SNCAIP: variants seen among roughly 807,000 people sequenced by gnomAD.
SNCAIP encodes synuclein alpha interacting protein.
SNCAIP carries 43 observed loss-of-function variants against 86.7 expected under a neutral mutation model. That is an observed-to-expected ratio of 0.50 (90% CI 0.39 to 0.64). SNCAIP has a LOEUF of 0.64. Ranked by LOEUF, SNCAIP falls within the 30% of genes least tolerant of loss-of-function variation. The pLI, the probability that SNCAIP is intolerant of heterozygous loss-of-function variation, is 0.00. For missense variants in SNCAIP, 981 were observed against 1,103.1 expected (o/e 0.89, Z 1.57); for synonymous variants, 417 against 427.2 (o/e 0.98, Z 0.29).
intron 1 of SNCAIP, among the ~76,000 whole-genome samples, chr5:122,369,042 C>A (rs558207809): frequency 1.3e-5 from 2 of 152,254 alleles, no homozygotes; most frequent in African/African-American, 4.8e-5. Context: ...TTGGTCAGAC[C>A]AGCTCTGATC....
At chr5:122,448,121 A>G (rs1561794992) in intron 8 of SNCAIP, among the ~76,000 whole-genome samples, 1 of 152,232 alleles carries the variant, frequency 6.6e-6, no homozygotes, top group Non-Finnish European at 1.5e-5. Flanking sequence ...GTTGCTGAGT[A>G]TATGCAGTGA....
intron 10 of SNCAIP, among the ~76,000 whole-genome samples, chr5:122,453,782 C>T: frequency 7.4e-6 from 1 of 135,548 alleles, no homozygotes; most frequent in East Asian, 2.1e-4. Context: ...TTTTTGAAGA[C>T]AGAGTCTCAC....
At chr5:122,410,516 T>C (rs964809517) in intron 3 of SNCAIP, among the ~76,000 whole-genome samples, 4 of 152,192 alleles carry the variant, frequency 2.6e-5, no homozygotes, top group Admixed American at 6.5e-5. Context: ...AATAAAATTC[T>C]GGTGGTATTG....
At chr5:122,455,950 A>C (rs2153020234) in intron 10 of SNCAIP, among the ~76,000 whole-genome samples, 1 of 152,354 alleles carries the variant, frequency 6.6e-6, no homozygotes, top group African/African-American at 2.4e-5. Context: ...GTTGTTTTTA[A>C]GTTATTGTAA....
At chr5:122,380,541 T>TC (rs1157235146) in intron 1 of SNCAIP, among the ~76,000 whole-genome samples, 2 of 150,278 alleles carry the variant, frequency 1.3e-5, no homozygotes, top group African/African-American at 4.9e-5. Flanking sequence ...TCTATTTCCT[T>TC]CAGTTCTGCT....
At chr5:122,402,018 A>G (rs1771926642) in intron 2 of SNCAIP, among the ~76,000 whole-genome samples, 1 of 151,954 alleles carries the variant, frequency 6.6e-6, no homozygotes, top group Admixed American at 6.6e-5. Context: ...ACCTTAGTGA[A>G]TTTTTCATTA....
At chr5:122,394,737 G>C (rs1770216144) in intron 2 of SNCAIP, among the ~76,000 whole-genome samples, 1 of 152,190 alleles carries the variant, frequency 6.6e-6, no homozygotes, top group Non-Finnish European at 1.5e-5. Context: ...TTCACACACA[G>C]GACTAAAGAA....
chr5:122,386,999 G>A (rs888615035), intron 1 of SNCAIP, among the ~76,000 whole-genome samples: 7 of 152,078 alleles, frequency 4.6e-5, no homozygotes, highest in East Asian at 1.9e-4. Flanking sequence ...GAAAGCCCTC[G>A]GAAGGCCTTA....
chr5:122,350,509 TTTTTG>T (rs1433625926), intron 1 of SNCAIP, among the ~76,000 whole-genome samples: 1 of 151,534 alleles, frequency 6.6e-6, no homozygotes, highest in Non-Finnish European at 1.5e-5. Context: ...GAGTAAGGAT[TTTTTG>T]TTTGTTTTTT....
intron 6 of SNCAIP, among the ~76,000 whole-genome samples, chr5:122,434,802 CAAGG>C (rs1472737722): frequency 6.6e-6 from 1 of 152,116 alleles, no homozygotes; most frequent in Non-Finnish European, 1.5e-5. Context: ...AATATTTTCA[CAAGG>C]AAGACTGTTA....
At chr5:122,341,580 G>A (rs1757604294) in intron 1 of SNCAIP, among the ~76,000 whole-genome samples, 1 of 152,166 alleles carries the variant, frequency 6.6e-6, no homozygotes, top group South Asian at 2.1e-4. Context: ...GGCTTTAAAT[G>A]AACTTTGCCT....
chr5:122,379,633 T>G (rs944923093), intron 1 of SNCAIP, among the ~76,000 whole-genome samples: 1 of 151,670 alleles, frequency 6.6e-6, no homozygotes, highest in African/African-American at 2.4e-5. Flanking sequence ...TCAAAGGGAA[T>G]GCTTCCAGTT....
At chr5:122,415,189 G>T (rs1775051745) in intron 3 of SNCAIP, among the ~76,000 whole-genome samples, 1 of 152,188 alleles carries the variant, frequency 6.6e-6, no homozygotes, top group Non-Finnish European at 1.5e-5. Context: ...CTCCCACTTT[G>T]TATGCCACTG....
upstream of SNCAIP, chr5:122,312,145 T>C (rs1382002887): frequency 1.3e-5 from 2 of 150,172 alleles, no homozygotes; most frequent in East Asian, 4.0e-4. Context: ...CGGGCCGCAT[T>C]GTGACGTAGC....
In SNCAIP at chr5:122,425,884, G is replaced by A. The variant is rs1278308844; in HGVS notation, c.1182+353G>A. On this transcript the variant is annotated intron_variant, in intron 5 of 10. Coordinates refer to ENST00000261368, the MANE Select transcript of SNCAIP (RefSeq NM_005460.4). ...CAATAATGAGCAAGACGAATGTGGG[G>A]AAGGTGTGTTTTAAGGATGCTAGCA... Among the ~76,000 whole-genome samples, 8 of 152,322 alleles carry A rather than the reference G, an allele frequency of 5.3e-5. No homozygotes were observed. In the South Asian group the frequency reaches 1.4e-3, roughly 28 times the overall value.
At chr5:122,408,662 A>T (rs1773509206) in intron 3 of SNCAIP, among the ~76,000 whole-genome samples, 1 of 152,248 alleles carries the variant, frequency 6.6e-6, no homozygotes, top group African/African-American at 2.4e-5. Context: ...CTAGAAAGAA[A>T]GGAAGTGCAA....
chr5:122,327,245 C>A (rs1057009163), intron 1 of SNCAIP, among the ~76,000 whole-genome samples: 4 of 152,030 alleles, frequency 2.6e-5, no homozygotes, highest in Non-Finnish European at 5.9e-5. Context: ...TAATAAAGTT[C>A]CTAATGGATC....
At chr5:122,343,105 C>A (rs966325421) in intron 1 of SNCAIP, among the ~76,000 whole-genome samples, 3 of 152,162 alleles carry the variant, frequency 2.0e-5, no homozygotes, top group African/African-American at 7.2e-5. Context: ...AGTCCTCATA[C>A]CAACCAGATT....
At chr5:122,406,503 C>T (rs1443242206) in intron 3 of SNCAIP, among the ~76,000 whole-genome samples, 1 of 152,062 alleles carries the variant, frequency 6.6e-6, no homozygotes, top group Non-Finnish European at 1.5e-5. Context: ...GAATGGTAAA[C>T]CCTAATGTTG....
Sources: gnomAD v4.1 joint callset for allele counts (sites outside exome capture counted in the v4.1 genomes callset) on GRCh38, gnomAD v4.1.1 for gene constraint, MANE v1.5 for transcripts, NCBI Gene and HGNC (gene_info 2026-07-23, HGNC 2026-07-21) for gene names.